The following EDIL3 variants were observed in gnomAD, a reference collection of about 807,000 sequenced individuals.
EDIL3 encodes EGF-like repeat and discoidin I-like domain-containing protein 3.
In EDIL3, 37 loss-of-function variants were observed where a neutral mutation model predicts 67.4. That is an observed-to-expected ratio of 0.55 (90% CI 0.42 to 0.72). The LOEUF is 0.72. Ranked by LOEUF, EDIL3 falls within the 30% of genes least tolerant of loss-of-function variation. The pLI is 0.00. For missense variants in EDIL3, 527 were observed against 586.3 expected (o/e 0.90, Z 1.04); for synonymous variants, 195 against 196.3 (o/e 0.99, Z 0.05).
At chr5:84,246,850 G>A (rs1744918845) in intron 2 of EDIL3, among the ~76,000 whole-genome samples, 1 of 151,960 alleles carries the variant, frequency 6.6e-6, no homozygotes, top group Non-Finnish European at 1.5e-5. Flanking sequence ...ACATCAATAA[G>A]CTAATGAGTT....
At chr5:84,136,461 T>G (rs1194843973) in intron 5 of EDIL3, among the ~76,000 whole-genome samples, 1 of 152,176 alleles carries the variant, frequency 6.6e-6, no homozygotes, top group Non-Finnish European at 1.5e-5. Context: ...CTGTTACTAC[T>G]TTTTTCCCAG....
intron 10 of EDIL3, among the ~76,000 whole-genome samples, chr5:83,961,478 T>TAC (rs1367724170): frequency 6.6e-6 from 1 of 151,282 alleles, no homozygotes; most frequent in African/African-American, 2.4e-5. Flanking sequence ...ATCACTTTTT[T>TAC]ACATAAATGG....
chr5:84,120,050 A>T (rs1000242711), intron 5 of EDIL3, among the ~76,000 whole-genome samples: 6 of 152,046 alleles, frequency 3.9e-5, no homozygotes, highest in African/African-American at 1.4e-4. Context: ...TGTTTTTGAG[A>T]TTTTTAAAAA....
At chr5:84,356,371 C>T (rs1747480160) in intron 1 of EDIL3, among the ~76,000 whole-genome samples, 1 of 152,220 alleles carries the variant, frequency 6.6e-6, no homozygotes, top group Non-Finnish European at 1.5e-5. Context: ...ACATGCTTTT[C>T]CATCAGTGTC....
At chr5:84,193,827 C>T (rs141656187) in intron 3 of EDIL3, among the ~76,000 whole-genome samples, 2 of 151,854 alleles carry the variant, frequency 1.3e-5, no homozygotes, top group Non-Finnish European at 2.9e-5. Flanking sequence ...TTATGTAACA[C>T]CTCTCTGTTT....
chr5:84,032,063 C>T (rs1745934567), intron 9 of EDIL3, among the ~76,000 whole-genome samples: 1 of 152,068 alleles, frequency 6.6e-6, no homozygotes, highest in Admixed American at 6.6e-5. Flanking sequence ...AATGCCATTC[C>T]CCATTTAATT....
chr5:84,354,195 A>G (rs1473325875), intron 1 of EDIL3, among the ~76,000 whole-genome samples: 1 of 152,224 alleles, frequency 6.6e-6, no homozygotes, highest in Admixed American at 6.5e-5. Flanking sequence ...CACTGTGTAG[A>G]TACCAGTCTT....
chr5:84,358,941 A>C (rs1180709626), intron 1 of EDIL3, among the ~76,000 whole-genome samples: 1 of 152,120 alleles, frequency 6.6e-6, no homozygotes, highest in Non-Finnish European at 1.5e-5. Context: ...TTCCAAAAAG[A>C]ATTTAAAACA....
intron 1 of EDIL3, among the ~76,000 whole-genome samples, chr5:84,300,548 TA>T (rs1357924504): frequency 6.6e-6 from 1 of 152,244 alleles, no homozygotes; most frequent in Non-Finnish European, 1.5e-5. Context: ...CAACACTGGA[TA>T]TGTTATATTC....
chr5:84,002,986 C>G lies in EDIL3; in HGVS notation c.1138-39626G>C, dbSNP rs573751326. Among the ~76,000 whole-genome samples, 4 of 152,320 alleles carry G rather than the reference C, an allele frequency of 2.6e-5. No individual in the cohort carries two copies. In the South Asian group the frequency reaches 8.3e-4, roughly 32 times the overall value. ...TTCCACTGACAGAGGCTTTGTGTCT[C>G]TCTGGGGTGGAGTTCCTGGAGGCAA... On this transcript the variant is annotated intron_variant, in intron 9 of 10. Coordinates refer to ENST00000296591, the MANE Select transcript of EDIL3 (RefSeq NM_005711.5).
At chr5:84,342,308 A>C (rs1203286714) in intron 1 of EDIL3, among the ~76,000 whole-genome samples, 1 of 152,088 alleles carries the variant, frequency 6.6e-6, no homozygotes, top group Non-Finnish European at 1.5e-5. Flanking sequence ...TAATGTGTAC[A>C]CATGGACATA....
chr5:83,945,608 G>A (rs1009591921), intron 10 of EDIL3, among the ~76,000 whole-genome samples: 13 of 151,748 alleles, frequency 8.6e-5, no homozygotes, highest in Admixed American at 2.0e-4. Context: ...GTTTTGATGC[G>A]AACTATCAAC....
At chr5:84,003,131 T>C (rs575373388) in intron 9 of EDIL3, among the ~76,000 whole-genome samples, 9 of 152,258 alleles carry the variant, frequency 5.9e-5, no homozygotes, top group Non-Finnish European at 1.0e-4. Context: ...AGCCACACTA[T>C]AGAAAGGAGG....
chr5:84,270,465 T>C (rs1481418595), intron 1 of EDIL3, among the ~76,000 whole-genome samples: 1 of 136,186 alleles, frequency 7.3e-6, no homozygotes, highest in African/African-American at 2.9e-5. Flanking sequence ...TTTATTGATA[T>C]TATTTGCTTA....
intron 1 of EDIL3, among the ~76,000 whole-genome samples, chr5:84,312,599 G>A (rs558817240): frequency 3.5e-5 from 5 of 141,104 alleles, no homozygotes; most frequent in East Asian, 2.1e-4. Context: ...GCGGCTGGCC[G>A]GGCGGGGGGC....
chr5:84,234,937 T>A (rs538331966), intron 2 of EDIL3, among the ~76,000 whole-genome samples: 2 of 152,248 alleles, frequency 1.3e-5, no homozygotes, highest in South Asian at 4.1e-4. Flanking sequence ...TGCTTGATTA[T>A]TTATGCCTAC....
intron 1 of EDIL3, among the ~76,000 whole-genome samples, chr5:84,336,598 A>G (rs1318494344): frequency 6.6e-6 from 1 of 152,154 alleles, no homozygotes; most frequent in African/African-American, 2.4e-5. Context: ...AAAGGGCATC[A>G]GTATTTAATA....
intron 4 of EDIL3, among the ~76,000 whole-genome samples, chr5:84,175,474 T>C (rs1436668128): frequency 6.6e-6 from 1 of 152,224 alleles, no homozygotes; most frequent in Admixed American, 6.5e-5. Flanking sequence ...GTAAAGTATG[T>C]CCTGAAACGC....
At chr5:84,027,305 G>A (rs1252073169) in intron 9 of EDIL3, among the ~76,000 whole-genome samples, 1 of 152,146 alleles carries the variant, frequency 6.6e-6, no homozygotes, top group Admixed American at 6.6e-5. Context: ...TCTCATTCAT[G>A]TTTATCCCCC....
Sources: allele counts gnomAD v4.1 joint callset (sites outside exome capture counted in the v4.1 genomes callset), GRCh38; gene constraint gnomAD v4.1.1; transcripts MANE v1.5; gene names NCBI Gene and HGNC (gene_info 2026-07-23, HGNC 2026-07-21).